The following SHISAL2B variants were observed in gnomAD, a reference collection of about 807,000 sequenced individuals.
SHISAL2B encodes shisa like 2B.
In SHISAL2B, 12 loss-of-function variants were observed where a neutral mutation model predicts 16.5. The observed-to-expected ratio is 0.73, with a 90% CI of 0.47 to 1.18. The LOEUF (loss-of-function observed/expected upper bound fraction) is 1.18. Ranked by LOEUF, SHISAL2B falls within the 50% of genes most tolerant of loss-of-function variation. The probability of loss-of-function intolerance (pLI) is 0.00; values close to 1 mark genes in which losing one functional copy is unlikely to be tolerated. For synonymous variants in SHISAL2B, 72 were observed against 75.0 expected, an observed-to-expected ratio of 0.96 and a Z score of 0.21; for missense variants, 183 against 193.6, an observed-to-expected ratio of 0.95 and a Z score of 0.33.
intron 1 of SHISAL2B, among the ~76,000 whole-genome samples, chr5:64,693,333 CG>C (rs1741682582): frequency 1.3e-5 from 2 of 152,058 alleles, no homozygotes; most frequent in Admixed American, 1.3e-4. Flanking sequence ...ATAAAGTGAA[CG>C]GTGACATTGA....
intron 2 of SHISAL2B, among the ~76,000 whole-genome samples, chr5:64,711,232 G>C (rs1741953150): frequency 1.4e-5 from 2 of 138,946 alleles, no homozygotes; most frequent in African/African-American, 6.1e-5. Context: ...AATTTATTGA[G>C]AGTTTTTAGC....
At chr5:64,707,398 G>T (rs1741888684) in intron 2 of SHISAL2B, among the ~76,000 whole-genome samples, 1 of 152,142 alleles carries the variant, frequency 6.6e-6, no homozygotes, top group Admixed American at 6.5e-5. Flanking sequence ...ACTTACCACA[G>T]GTTAGGAGCC....
intron 1 of SHISAL2B, among the ~76,000 whole-genome samples, chr5:64,695,046 C>T (rs1309795826): frequency 6.6e-6 from 1 of 152,072 alleles, no homozygotes; most frequent in Non-Finnish European, 1.5e-5. Flanking sequence ...GGGTGGATCG[C>T]CTGAGCTCAG....
At chr5:64,694,257 G>A (rs926464139) in intron 1 of SHISAL2B, 6 of 354,154 alleles carry the variant, frequency 1.7e-5, no homozygotes, top group African/African-American at 1.3e-4. Context: ...TTTTCTACAA[G>A]CTAAGTTCTC....
chr5:64,694,093 C>T (rs1009214148), intron 1 of SHISAL2B: 1 of 455,798 alleles, frequency 2.2e-6, no homozygotes, highest in Admixed American at 2.4e-5. Context: ...ACAGGTCAAA[C>T]TTGTCAGTGT....
intron 2 of SHISAL2B, among the ~76,000 whole-genome samples, chr5:64,715,303 T>G (rs931915963): frequency 8.6e-5 from 13 of 151,130 alleles, no homozygotes; most frequent in Non-Finnish European, 1.9e-4. Flanking sequence ...AAAAAAAAAA[T>G]TAAAAACTCA....
intron 2 of SHISAL2B, among the ~76,000 whole-genome samples, chr5:64,700,000 T>C (rs577053015): frequency 2.0e-5 from 3 of 152,228 alleles, no homozygotes; most frequent in Non-Finnish European, 4.4e-5. Context: ...TAAGTTGTGT[T>C]CCATAACCAC....
intron 2 of SHISAL2B, among the ~76,000 whole-genome samples, chr5:64,706,192 G>T (rs1741874921): frequency 6.6e-6 from 1 of 152,168 alleles, no homozygotes; most frequent in Non-Finnish European, 1.5e-5. Context: ...GATGTGCATT[G>T]GTTTGGTCTG....
chr5:64,695,264 C>CA (rs33996841), intron 1 of SHISAL2B, among the ~76,000 whole-genome samples: 84,095 of 130,376 alleles, frequency 0.65, 27,037 homozygotes, highest in African/African-American at 0.85. Flanking sequence ...GACACCATCT[C>CA]AAAAAAAAAA....
chr5:64,707,418 G>C (rs1741889152), intron 2 of SHISAL2B, among the ~76,000 whole-genome samples: 1 of 152,146 alleles, frequency 6.6e-6, no homozygotes, highest in South Asian at 2.1e-4. Flanking sequence ...CCTCTACGGG[G>C]ACCGTGAGGA....
intron 2 of SHISAL2B, among the ~76,000 whole-genome samples, chr5:64,708,994 T>C (rs1364415615): frequency 6.6e-6 from 1 of 152,218 alleles, no homozygotes; most frequent in East Asian, 1.9e-4. Flanking sequence ...TGTTTCAGTC[T>C]TATGGGTAAG....
At chr5:64,696,164 T>C (rs920168412) in intron 2 of SHISAL2B, among the ~76,000 whole-genome samples, 4 of 152,228 alleles carry the variant, frequency 2.6e-5, no homozygotes, top group Non-Finnish European at 5.9e-5. Context: ...CCTCTGAACA[T>C]AAATTGTGAA....
At chr5:64,694,528 T>C (rs1378396876) in intron 1 of SHISAL2B, among the ~76,000 whole-genome samples, 9 of 152,194 alleles carry the variant, frequency 5.9e-5, no homozygotes, top group Admixed American at 5.2e-4. Context: ...GACTTAGAGG[T>C]AACTGCATCA....
intron 1 of SHISAL2B, among the ~76,000 whole-genome samples, chr5:64,694,864 A>G (rs1741710054): frequency 6.6e-6 from 1 of 152,200 alleles, no homozygotes; most frequent in Non-Finnish European, 1.5e-5. Flanking sequence ...CTTCTAAAGT[A>G]TATTAATAAT....
At chr5:64,692,902 G>A (rs1203743747) in intron 1 of SHISAL2B, among the ~76,000 whole-genome samples, 3 of 152,118 alleles carry the variant, frequency 2.0e-5, no homozygotes, top group Non-Finnish European at 4.4e-5. Flanking sequence ...TGCACGAGTG[G>A]CTATTTAATA....
In SHISAL2B at chr5:64,718,099, A is replaced by C; in HGVS notation, c.*77A>C. Reference sequence around the variant, plus strand: ...AAAGCGTGCACTTGAAACGGTTTGTAATATTGCTTTTCAAAAATTCGTCAC... The same window carrying C: ...AAAGCGTGCACTTGAAACGGTTTGTCATATTGCTTTTCAAAAATTCGTCAC... On this transcript the variant is annotated 3_prime_UTR_variant, in exon 3 of 3. Transcript: ENST00000389074. 1 of 1,282,792 alleles carries C rather than the reference A, an allele frequency of 7.8e-7. No homozygotes were observed. The highest frequency in any genetic ancestry group is 1.0e-6 in the Non-Finnish European group (1 of 986,232). 79.5% of individuals were successfully genotyped at this position (1,282,792 alleles called of 1,614,324 possible). A position where few individuals can be genotyped will look rare whatever the true frequency, so the allele number is the denominator to read the frequency against.
rs980376701 is a variant in SHISAL2B, at chr5:64,718,095, T to C, written c.*73T>C. 29 of 1,303,984 alleles carry C rather than the reference T, an allele frequency of 2.2e-5. No individual in the cohort carries two copies. In the African/African-American group the frequency reaches 4.2e-4, roughly 19 times the overall value. 80.8% of individuals were successfully genotyped at this position (1,303,984 alleles called of 1,614,324 possible). ...AAATAAAGCGTGCACTTGAAACGGT[T>C]TGTAATATTGCTTTTCAAAAATTCG... is the stretch of plus-strand genomic sequence containing the variant. On this transcript the variant is annotated 3_prime_UTR_variant, in exon 3 of 3. Transcript: ENST00000389074.
At chr5:64,699,437 G>A (rs946798521) in intron 2 of SHISAL2B, among the ~76,000 whole-genome samples, 14 of 152,178 alleles carry the variant, frequency 9.2e-5, no homozygotes, top group African/African-American at 2.2e-4. Context: ...TGCATGTTCC[G>A]TTCCAATGAT....
intron 2 of SHISAL2B, among the ~76,000 whole-genome samples, chr5:64,701,076 C>A (rs1375861842): frequency 6.6e-6 from 1 of 152,166 alleles, no homozygotes; most frequent in Non-Finnish European, 1.5e-5. Context: ...TGCTTTAAAT[C>A]ATCTCTAGGT....
Sources: gnomAD v4.1 joint callset for allele counts (sites outside exome capture counted in the v4.1 genomes callset) on GRCh38, gnomAD v4.1.1 for gene constraint, MANE v1.5 for transcripts, NCBI Gene and HGNC (gene_info 2026-07-23, HGNC 2026-07-21) for gene names.